Variants in GTF2F2 observed in about 807,000 individuals in gnomAD.
The protein encoded by GTF2F2 is general transcription factor IIF subunit 2.
GTF2F2 carries 23 observed loss-of-function variants against 42.2 expected under a neutral mutation model. The observed-to-expected ratio is 0.55, with a 90% CI of 0.39 to 0.77. GTF2F2 has a LOEUF of 0.77. Among genes scored for constraint, GTF2F2 ranks in the 30% least tolerant of loss-of-function variants. The pLI, the probability that GTF2F2 is intolerant of heterozygous loss-of-function variation, is 0.00. For missense variants in GTF2F2, 261 were observed against 287.2 expected (o/e 0.91, Z 0.66); for synonymous variants, 105 against 100.8 (o/e 1.04, Z -0.25).
intron 4 of GTF2F2, among the ~76,000 whole-genome samples, chr13:45,156,583 G>T (rs1870766343): frequency 6.6e-6 from 1 of 152,192 alleles, no homozygotes; most frequent in Non-Finnish European, 1.5e-5. Context: ...TGGGATAATA[G>T]AGGTAATTTT....
intron 4 of GTF2F2, among the ~76,000 whole-genome samples, chr13:45,160,310 A>G (rs571300095): frequency 1.3e-5 from 2 of 152,202 alleles, no homozygotes; most frequent in South Asian, 2.1e-4. Flanking sequence ...TTATAAATAC[A>G]TAGTTGGAAA....
chr13:45,210,782 T>G (rs2138192707), intron 5 of GTF2F2, among the ~76,000 whole-genome samples: 1 of 152,292 alleles, frequency 6.6e-6, no homozygotes, highest in Non-Finnish European at 1.5e-5. Context: ...ATTTGGACAG[T>G]GTGCTATAAC....
rs372901327 is a variant in GTF2F2, at chr13:45,228,283, C to CTTTTTTTTTTTTTTTT, written c.386+20779_386+20794dup. 1.8e-3 allele frequency among the ~76,000 whole-genome samples: 166 copies of CTTTTTTTTTTTTTTTT among 92,688 alleles called. 20 individuals carry two copies. The highest frequency in any genetic ancestry group is 7.7e-3 in the African/African-American group (135 of 17,616). The allele number at this position is 92,688 out of a possible 152,430, so 60.8% of individuals were successfully genotyped here. On this transcript the variant is annotated intron_variant, in intron 5 of 7. Coordinates refer to ENST00000340473, the MANE Select transcript of GTF2F2 (RefSeq NM_004128.3). ...TTTCCTTATTGCTGCCAGAGTTAAT[C>CTTTTTTTTTTTTTTTT]TTTTTTTTTTTTTTTTGGAGACGGA...
At chr13:45,188,597 C>T (rs985683090) in intron 4 of GTF2F2, among the ~76,000 whole-genome samples, 2 of 152,136 alleles carry the variant, frequency 1.3e-5, no homozygotes, top group Non-Finnish European at 1.5e-5. Context: ...TAATTTAAAC[C>T]TTGCAAAAGC....
intron 5 of GTF2F2, among the ~76,000 whole-genome samples, chr13:45,235,740 C>T (rs1029219372): frequency 3.3e-5 from 5 of 151,998 alleles, no homozygotes; most frequent in African/African-American, 1.2e-4. Flanking sequence ...CAGGCACCCA[C>T]TACCACACCT....
At chr13:45,210,548 C>T (rs9595259) in intron 5 of GTF2F2, among the ~76,000 whole-genome samples, 15,989 of 152,200 alleles carry the variant, frequency 0.11, 2,258 homozygotes, top group African/African-American at 0.32. Context: ...TTTATTGCCA[C>T]GTTTTCCCTC....
intron 1 of GTF2F2, among the ~76,000 whole-genome samples, chr13:45,134,968 T>A (rs7329705): frequency 0.22 from 33,351 of 151,360 alleles, 3,881 homozygotes; most frequent in African/African-American, 0.28. Flanking sequence ...TTTTTTTTTT[T>A]TTGACACAAG....
intron 2 of GTF2F2, among the ~76,000 whole-genome samples, chr13:45,143,394 C>CA (rs1469850189): frequency 1.3e-5 from 2 of 152,204 alleles, no homozygotes; most frequent in African/African-American, 4.8e-5. Flanking sequence ...CTTACCCTAT[C>CA]ACTTACTAGC....
intron 5 of GTF2F2, among the ~76,000 whole-genome samples, chr13:45,239,334 T>G (rs1291921854): frequency 6.6e-6 from 1 of 152,252 alleles, no homozygotes; most frequent in Non-Finnish European, 1.5e-5. Context: ...TATTTTGGAC[T>G]GTTTAGTGGA....
intron 5 of GTF2F2, among the ~76,000 whole-genome samples, chr13:45,216,626 T>C (rs1056926297): frequency 2.6e-5 from 4 of 152,110 alleles, no homozygotes; most frequent in African/African-American, 7.2e-5. Context: ...CAAGCAGTTC[T>C]CCTGCCTCAG....
At chr13:45,193,643 A>G (rs1872743733) in intron 4 of GTF2F2, 4 of 683,740 alleles carry the variant, frequency 5.9e-6, no homozygotes, top group Non-Finnish European at 9.8e-6. Flanking sequence ...TAGAATTTAC[A>G]TACCGTTAGC....
intron 4 of GTF2F2, among the ~76,000 whole-genome samples, chr13:45,203,275 C>T (rs1401637882): frequency 2.7e-5 from 4 of 148,854 alleles, no homozygotes; most frequent in Admixed American, 6.8e-5. Context: ...AGTAGAGAGA[C>T]GGTTTCCTTG....
At chr13:45,237,399 AAACTAAATAAATATT>A (rs1054147672) in intron 5 of GTF2F2, among the ~76,000 whole-genome samples, 1 of 152,210 alleles carries the variant, frequency 6.6e-6, no homozygotes, top group African/African-American at 2.4e-5. Flanking sequence ...TCCAATATGT[AAACTAAATAAATATT>A]AAAAGTTGTG....
At chr13:45,221,589 G>C (rs989431463) in intron 5 of GTF2F2, among the ~76,000 whole-genome samples, 10 of 152,052 alleles carry the variant, frequency 6.6e-5, no homozygotes, top group Admixed American at 5.2e-4. Context: ...GACTGCACAG[G>C]CTCCCTCTTC....
chr13:45,150,717 T>A (rs1358282317), intron 3 of GTF2F2, among the ~76,000 whole-genome samples: 1 of 141,762 alleles, frequency 7.1e-6, no homozygotes, highest in Non-Finnish European at 1.5e-5. Context: ...CTAATTTTTG[T>A]ATTTTTAGTA....
intron 4 of GTF2F2, among the ~76,000 whole-genome samples, chr13:45,154,656 A>G (rs923363282): frequency 1.3e-5 from 2 of 152,190 alleles, no homozygotes; most frequent in Non-Finnish European, 2.9e-5. Flanking sequence ...TTCCTCATTT[A>G]TGAAATAAGG....
At chr13:45,267,455 A>G in intron 7 of GTF2F2, 79 bp downstream of exon 7, 1 of 978,892 alleles carries the variant, frequency 1.0e-6, no homozygotes, top group Non-Finnish European at 1.5e-6. Context: ...GTCATACATG[A>G]TTTAGTTCAC....
At chr13:45,209,597 G>A (rs1275449725) in intron 5 of GTF2F2, among the ~76,000 whole-genome samples, 3 of 152,132 alleles carry the variant, frequency 2.0e-5, no homozygotes, top group African/African-American at 7.2e-5. Context: ...AAAGACATGG[G>A]GAAGACTTTA....
chr13:45,139,787 A>G (rs1869830241), intron 2 of GTF2F2, among the ~76,000 whole-genome samples: 1 of 152,204 alleles, frequency 6.6e-6, no homozygotes, highest in South Asian at 2.1e-4. Context: ...TGTCTAGAAC[A>G]ATGCTTGGCA....
Sources: allele counts gnomAD v4.1 joint callset (sites outside exome capture counted in the v4.1 genomes callset), GRCh38; gene constraint gnomAD v4.1.1; transcripts MANE v1.5; gene names NCBI Gene and HGNC (gene_info 2026-07-23, HGNC 2026-07-21).